The following DOK6 variants were observed in gnomAD, a reference collection of about 807,000 sequenced individuals.
The protein encoded by DOK6 is docking protein 6, also known as downstream of tyrosine kinase 6.
In DOK6, 22 loss-of-function variants were observed where a neutral mutation model predicts 44.0. The observed-to-expected ratio is 0.50, with a 90% CI of 0.36 to 0.71. The LOEUF (loss-of-function observed/expected upper bound fraction) is 0.71, where lower values mean the gene tolerates loss of function less well. Ranked by LOEUF, DOK6 falls within the 30% of genes least tolerant of loss-of-function variation. The probability of loss-of-function intolerance (pLI) is 0.00; values close to 1 mark genes in which losing one functional copy is unlikely to be tolerated. For missense variants in DOK6, 340 were observed against 416.4 expected (o/e 0.82, Z 1.60); for synonymous variants, 166 against 145.5 (o/e 1.14, Z -1.01).
intron 5 of DOK6, among the ~76,000 whole-genome samples, chr18:69,737,744 C>G (rs1476460973): frequency 6.6e-6 from 1 of 152,170 alleles, no homozygotes; most frequent in Non-Finnish European, 1.5e-5. Context: ...CATGCAAGCT[C>G]TTGCGCGGGG....
chr18:69,816,541 T>C (rs1338240171), intron 7 of DOK6, among the ~76,000 whole-genome samples: 1 of 152,180 alleles, frequency 6.6e-6, no homozygotes, highest in African/African-American at 2.4e-5. Context: ...TATATCTTCC[T>C]CCACGATAAA....
intron 5 of DOK6, among the ~76,000 whole-genome samples, chr18:69,702,257 T>A (rs4480905): frequency 0.67 from 100,495 of 150,978 alleles, 33,828 homozygotes; most frequent in East Asian, 0.89. Context: ...TACTGATATC[T>A]GTCCTGCAAG....
chr18:69,721,037 C>CA lies in DOK6; in HGVS notation c.600-17927dup, dbSNP rs747522403. Among the ~76,000 whole-genome samples, 95 of 152,104 alleles carry CA rather than the reference C, an allele frequency of 6.2e-4. 1 individual carries two copies. The highest frequency in any genetic ancestry group is 5.9e-4 in the Non-Finnish European group (40 of 68,002). On this transcript the variant is annotated intron_variant, in intron 5 of 7. Transcript: ENST00000382713. ...TATTAATGTTGTTTGTGTTCACTAA[C>CA]ATAAAGCTTACATAAAAATTCCAAG...
chr18:69,707,040 G>T (rs1986651224), intron 5 of DOK6, among the ~76,000 whole-genome samples: 1 of 152,090 alleles, frequency 6.6e-6, no homozygotes, highest in East Asian at 1.9e-4. Flanking sequence ...AGTCCTTTGG[G>T]TATATACCCA....
intron 7 of DOK6, among the ~76,000 whole-genome samples, chr18:69,790,362 C>G (rs998252357): frequency 8.5e-5 from 13 of 152,060 alleles, no homozygotes; most frequent in African/African-American, 3.1e-4. Context: ...AGCAAACCAC[C>G]ATGGCACGTG....
intron 5 of DOK6, among the ~76,000 whole-genome samples, chr18:69,714,646 A>G (rs1186123267): frequency 6.6e-6 from 1 of 152,242 alleles, no homozygotes; most frequent in Non-Finnish European, 1.5e-5. Flanking sequence ...CTGCCTCAGA[A>G]GAAAAAAACT....
At chr18:69,794,199 C>T (rs1599329012) in intron 7 of DOK6, among the ~76,000 whole-genome samples, 1 of 152,228 alleles carries the variant, frequency 6.6e-6, no homozygotes, top group East Asian at 1.9e-4. Flanking sequence ...ATTTTCACGT[C>T]TTCCCTCCCA....
chr18:69,822,648 G>C (rs7227328), intron 7 of DOK6, among the ~76,000 whole-genome samples: 136,095 of 152,194 alleles, frequency 0.89, 62,257 homozygotes, highest in Non-Finnish European at 0.99. Context: ...CTTTGCAGGC[G>C]TATGTTTCTT....
rs35872707 is a variant in DOK6, at chr18:69,532,194, C to T, written c.67-32293C>T. Among the ~76,000 whole-genome samples, 808 of 152,242 alleles carry T rather than the reference C, an allele frequency of 5.3e-3. 6 individuals carry two copies. Among genetic ancestry groups the T allele is most frequent in the African/African-American group, 0.018 (759 of 41,532 alleles). The stretch of plus-strand genomic sequence containing the variant: ...CCACACAGTCTATGGTGTTCTGCTA[C>T]GGCAGCCTGAGCTAAGATATGCCCT... On this transcript the variant is annotated intron_variant, in intron 1 of 7. Coordinates refer to ENST00000382713, the MANE Select transcript of DOK6 (RefSeq NM_152721.6).
At chr18:69,825,235 T>A (rs1981705009) in intron 7 of DOK6, among the ~76,000 whole-genome samples, 1 of 152,126 alleles carries the variant, frequency 6.6e-6, no homozygotes, top group Non-Finnish European at 1.5e-5. Flanking sequence ...AAACTTAATT[T>A]ATGTGACTTA....
At position 69,538,238 on chromosome 18, in the gene DOK6, G is replaced by C. The variant is rs557664448; in HGVS notation, c.67-26249G>C. On this transcript the variant is annotated intron_variant, in intron 1 of 7. Transcript: ENST00000382713. ...AGTGAGAAGAAAAATAAGTCTTAGAGCAAGCCCTGTAGTATTTTGAATACT... is the reference window on the plus strand; with the variant it reads ...AGTGAGAAGAAAAATAAGTCTTAGACCAAGCCCTGTAGTATTTTGAATACT... 7.2e-5 allele frequency among the ~76,000 whole-genome samples: 11 copies of C among 152,278 alleles called. No individual in the cohort carries two copies. The South Asian group carries it at 2.3e-3, about 32-fold the overall frequency.
chr18:69,803,380 G>A (rs948433641), intron 7 of DOK6, among the ~76,000 whole-genome samples: 1 of 152,030 alleles, frequency 6.6e-6, no homozygotes, highest in Non-Finnish European at 1.5e-5. Flanking sequence ...ACAACATTCA[G>A]AAAATTCTTC....
intron 7 of DOK6, among the ~76,000 whole-genome samples, chr18:69,813,744 C>T (rs1046059621): frequency 1.3e-5 from 2 of 151,938 alleles, no homozygotes; most frequent in African/African-American, 2.4e-5. Context: ...GAGCATGGTA[C>T]ACAGGAGCAA....
chr18:69,556,863 A>G (rs188165185), intron 1 of DOK6, among the ~76,000 whole-genome samples: 4 of 152,330 alleles, frequency 2.6e-5, no homozygotes, highest in African/African-American at 9.6e-5. Flanking sequence ...AATCCTGTGC[A>G]CTGACTACTT....
rs953693494 is a variant in DOK6 at position 69,844,328 on chromosome 18, A to T, written c.*2945A>T. ...AATAGATGGTCACCATTTCTGCATC[A>T]GGTTGGAAGAGACCAATGATAAAGG... On this transcript the variant is annotated 3_prime_UTR_variant, in exon 8 of 8. Coordinates refer to ENST00000382713, the MANE Select transcript of DOK6 (RefSeq NM_152721.6). The T allele has an allele frequency of 2.6e-5, 4 of 152,210 alleles. No homozygotes were observed. The highest frequency in any genetic ancestry group is 9.7e-5 in the African/African-American group (4 of 41,448). The allele number at this position is 152,210 out of a possible 1,614,324, so 9.4% of individuals were successfully genotyped here. A position where few individuals can be genotyped will look rare whatever the true frequency, so the allele number is the denominator to read the frequency against.
chr18:69,785,551 T>C (rs567875755), intron 7 of DOK6, among the ~76,000 whole-genome samples: 14 of 152,314 alleles, frequency 9.2e-5, no homozygotes, highest in African/African-American at 1.4e-4. Context: ...AGGTTTTTTT[T>C]CCCCTAAATT....
intron 7 of DOK6, among the ~76,000 whole-genome samples, chr18:69,808,034 CAT>C (rs923945503): frequency 6.6e-6 from 1 of 151,750 alleles, no homozygotes; most frequent in African/African-American, 2.4e-5. Context: ...TGTTAGATCA[CAT>C]GTTAGGCCAC....
intron 2 of DOK6, among the ~76,000 whole-genome samples, chr18:69,571,708 T>A (rs1240328065): frequency 6.6e-6 from 1 of 152,032 alleles, no homozygotes; most frequent in Non-Finnish European, 1.5e-5. Context: ...TGGAACTAAT[T>A]ACAGAACTTA....
At position 69,442,597 on chromosome 18, in the gene DOK6, A is replaced by T. The variant is rs72957406; in HGVS notation, c.66+41287A>T. 7.2e-3 allele frequency among the ~76,000 whole-genome samples: 1,090 copies of T among 152,182 alleles called. 39 individuals carry two copies. Among genetic ancestry groups the T allele is most frequent in the Admixed American group, 0.062 (945 of 15,276 alleles). ...ATGTGGGGATTACAATTTGGATTAC[A>T]ATTCAAGATGAGATTTGGGTGGGGA... On this transcript the variant is annotated intron_variant, in intron 1 of 7. Transcript: ENST00000382713.
Sources: gnomAD v4.1 joint callset for allele counts (sites outside exome capture counted in the v4.1 genomes callset) on GRCh38, gnomAD v4.1.1 for gene constraint, MANE v1.5 for transcripts, NCBI Gene and HGNC (gene_info 2026-07-23, HGNC 2026-07-21) for gene names.